The following LEKR1 variants were observed in gnomAD, a reference collection of about 807,000 sequenced individuals.
LEKR1 encodes the protein leucine, glutamate and lysine rich 1, also known as protein LEKR1.
LEKR1 carries 59 observed loss-of-function variants against 72.4 expected under a neutral mutation model. That is an observed-to-expected ratio of 0.82 (90% CI 0.66 to 1.01). The LOEUF (loss-of-function observed/expected upper bound fraction) is 1.01, where lower values mean the gene tolerates loss of function less well. Among genes scored for constraint, LEKR1 ranks in the 50% least tolerant of loss-of-function variants. The pLI is 0.00. For synonymous variants in LEKR1, 257 were observed against 263.2 expected (o/e 0.98, Z 0.23); for missense variants, 728 against 759.2 (o/e 0.96, Z 0.48).
At chr3:156,921,820 A>G (rs1724227460) in intron 4 of LEKR1, among the ~76,000 whole-genome samples, 1 of 152,208 alleles carries the variant, frequency 6.6e-6, no homozygotes, top group Admixed American at 6.5e-5. Flanking sequence ...TTGCCGCTTC[A>G]GGATATTATG....
At chr3:157,023,653 A>G (rs1472638821) in intron 10 of LEKR1, among the ~76,000 whole-genome samples, 1 of 152,160 alleles carries the variant, frequency 6.6e-6, no homozygotes, top group Non-Finnish European at 1.5e-5. Flanking sequence ...TAACCCTACC[A>G]GGAAGGGTTA....
chr3:157,022,242 G>A (rs1181044463), intron 10 of LEKR1, among the ~76,000 whole-genome samples: 30 of 152,126 alleles, frequency 2.0e-4, no homozygotes, highest in African/African-American at 6.5e-4. Flanking sequence ...TAGTCGCCCC[G>A]TAAAAGGCCA....
chr3:156,920,863 A>C (rs140936343), intron 4 of LEKR1, 169 bp downstream of exon 4: 369 of 446,356 alleles, frequency 8.3e-4, no homozygotes, highest in Non-Finnish European at 1.2e-3. Flanking sequence ...ATCTCAATGA[A>C]TAGTGTTGCT....
At chr3:156,863,734 A>G (rs1717015575) in intron 3 of LEKR1, among the ~76,000 whole-genome samples, 1 of 152,098 alleles carries the variant, frequency 6.6e-6, no homozygotes, top group Non-Finnish European at 1.5e-5. Context: ...TTTCTCTTTT[A>G]TATGATATCA....
chr3:156,840,718 C>A (rs1268666385), intron 2 of LEKR1, among the ~76,000 whole-genome samples: 1 of 152,182 alleles, frequency 6.6e-6, no homozygotes, highest in Middle Eastern at 3.2e-3. Context: ...TGTAACCCAG[C>A]AGGAACAGGA....
At chr3:156,881,400 A>T (rs1719323041) in intron 3 of LEKR1, among the ~76,000 whole-genome samples, 1 of 152,292 alleles carries the variant, frequency 6.6e-6, no homozygotes, top group South Asian at 2.1e-4. Context: ...CCCATTCACA[A>T]TTGCTTCAAA....
intron 12 of LEKR1, among the ~76,000 whole-genome samples, chr3:157,036,017 C>G (rs1734947249): frequency 6.6e-6 from 1 of 152,174 alleles, no homozygotes; most frequent in African/African-American, 2.4e-5. Flanking sequence ...AAACTGTATA[C>G]AAGCACACTG....
chr3:156,942,644 G>A lies in LEKR1; in HGVS notation c.675G>A (p.Gln225=), dbSNP rs1404366997. The change falls in exon 6 of 13, where the codon CAG becomes CAA. Residue 225 remains glutamine, a synonymous_variant. Coordinates refer to ENST00000356539, the MANE Select transcript of LEKR1 (RefSeq NM_001004316.3). ...ATGCAGCCATATTGAGATCTCAGCAGATTCGGACATCTAGACAACAGGAAG... is the reference window on the plus strand; with the variant it reads ...ATGCAGCCATATTGAGATCTCAGCAAATTCGGACATCTAGACAACAGGAAG... ...LSDAAILRSQ[Q]IRTSRQQEVN... The A allele has an allele frequency of 6.3e-6, 8 of 1,270,562 alleles. No individual in the cohort carries two copies. In the African/African-American group the frequency reaches 1.2e-4, roughly 20 times the overall value. 78.7% of individuals were successfully genotyped at this position (1,270,562 alleles called of 1,614,324 possible).
At position 156,845,152 on chromosome 3, in the gene LEKR1, G is replaced by A. The variant is rs1040212236; in HGVS notation, c.49-7616G>A. Among the ~76,000 whole-genome samples, 4 of 151,936 alleles carry A rather than the reference G, an allele frequency of 2.6e-5. No homozygotes were observed. The East Asian group carries it at 7.7e-4, about 29-fold the overall frequency. Reference sequence around the variant, plus strand: ...TTGGCATCTGAATATCCTCTTATGTGAAAGGTCTCTTCAAGTCTTTTTGTT... The same window carrying A: ...TTGGCATCTGAATATCCTCTTATGTAAAAGGTCTCTTCAAGTCTTTTTGTT... On this transcript the variant is annotated intron_variant, in intron 2 of 12. Transcript: ENST00000356539.
intron 6 of LEKR1, among the ~76,000 whole-genome samples, chr3:156,962,369 A>G (rs1309249878): frequency 1.3e-5 from 2 of 152,232 alleles, no homozygotes; most frequent in Non-Finnish European, 2.9e-5. Flanking sequence ...ATTAAATCCA[A>G]CAGCCCTTAA....
chr3:156,888,130 A>G (rs1390052233), intron 3 of LEKR1, among the ~76,000 whole-genome samples: 2 of 152,144 alleles, frequency 1.3e-5, no homozygotes, highest in Admixed American at 1.3e-4. Context: ...TATCCAGTTG[A>G]ATGTGATTGC....
intron 7 of LEKR1, among the ~76,000 whole-genome samples, chr3:156,981,197 A>C (rs780067123): frequency 2.6e-5 from 4 of 152,188 alleles, no homozygotes; most frequent in Middle Eastern, 6.3e-3. Flanking sequence ...ACACAATGAC[A>C]AAATTGCGTA....
chr3:157,003,554 A>G (rs1037482952), intron 9 of LEKR1, among the ~76,000 whole-genome samples: 1 of 152,308 alleles, frequency 6.6e-6, no homozygotes, highest in South Asian at 2.1e-4. Context: ...AGTTGTCAGC[A>G]TTCCTTAGCT....
At chr3:157,039,346 T>C (rs755626803) in intron 12 of LEKR1, among the ~76,000 whole-genome samples, 34 of 152,198 alleles carry the variant, frequency 2.2e-4, no homozygotes, top group Non-Finnish European at 4.0e-4. Flanking sequence ...TCAGGCCAAG[T>C]GTGGTGGCTC....
intron 3 of LEKR1, among the ~76,000 whole-genome samples, chr3:156,911,002 T>G (rs1723054752): frequency 6.6e-6 from 1 of 152,148 alleles, no homozygotes; most frequent in South Asian, 2.1e-4. Flanking sequence ...AGCATGTTAT[T>G]TTTTGACTTT....
At chr3:156,964,707 C>T (rs1475219757) in intron 6 of LEKR1, among the ~76,000 whole-genome samples, 2 of 152,070 alleles carry the variant, frequency 1.3e-5, no homozygotes, top group Admixed American at 6.6e-5. Context: ...TGAAGATACA[C>T]TCCATCTCCT....
At chr3:156,872,849 T>A (rs1329790020) in intron 3 of LEKR1, among the ~76,000 whole-genome samples, 1 of 152,108 alleles carries the variant, frequency 6.6e-6, no homozygotes, top group Admixed American at 6.6e-5. Flanking sequence ...TGAGAATTAT[T>A]TTGTGTCTTA....
At chr3:156,998,838 T>C (rs1291604309) in intron 9 of LEKR1, among the ~76,000 whole-genome samples, 1 of 152,130 alleles carries the variant, frequency 6.6e-6, no homozygotes, top group Non-Finnish European at 1.5e-5. Flanking sequence ...CTCTCCTTCA[T>C]CTTTTTCTTT....
chr3:156,967,790 C>A (rs1728767707), intron 6 of LEKR1, among the ~76,000 whole-genome samples: 1 of 152,074 alleles, frequency 6.6e-6, no homozygotes, highest in African/African-American at 2.4e-5. Context: ...CAAAGATACT[C>A]CTCGAGAAGA....
Sources: gnomAD v4.1 joint callset for allele counts (sites outside exome capture counted in the v4.1 genomes callset) on GRCh38, gnomAD v4.1.1 for gene constraint, MANE v1.5 for transcripts, NCBI Gene and HGNC (gene_info 2026-07-23, HGNC 2026-07-21) for gene names.